The following COL11A1 variants were observed in gnomAD, a reference collection of about 807,000 sequenced individuals.
COL11A1 encodes the protein collagen alpha-1(XI) chain.
Under a neutral mutation model 265.2 loss-of-function variants are expected in COL11A1, and 74 were observed. The ratio of observed to expected loss-of-function variants is 0.28; its 90% confidence interval spans 0.23 to 0.34. The LOEUF is 0.34. Among genes scored for constraint, COL11A1 ranks in the 10% least tolerant of loss-of-function variants. The pLI, the probability that COL11A1 is intolerant of heterozygous loss-of-function variation, is 1.00. For synonymous variants in COL11A1, 816 were observed against 727.6 expected (o/e 1.12, Z -1.96); for missense variants, 2,165 against 2,263.6 (o/e 0.96, Z 0.88).
At position 103,082,959 on chromosome 1, in the gene COL11A1, A is replaced by T; in HGVS notation, c.120T>A (p.Asp40Glu). Residue 40 changes from aspartate to glutamate, a missense_variant, in exon 2 of 67, where the codon GAT becomes GAA. Asp to Glu is a conservative substitution (Grantham distance 45). Coordinates refer to ENST00000370096, the MANE Select transcript of COL11A1 (RefSeq NM_001854.4). ...TGTGAAAATCTAGTGCTTTTAGTACATCAACTGGAGCAGCTGAAAAATAAG... is the reference window on the plus strand; with the variant it reads ...TGTGAAAATCTAGTGCTTTTAGTACTTCAACTGGAGCAGCTGAAAAATAAG... ...AREVRGAAPV[D>E]VLKALDFHNS... 6.2e-7 allele frequency: 1 copy of T among 1,613,108 alleles called. No individual in the cohort carries two copies. The highest frequency in any genetic ancestry group is 2.2e-5 in the East Asian group (1 of 44,796).
At chr1:103,002,390 C>A in intron 23 of COL11A1, 38 bp downstream of exon 23, 1 of 1,535,732 alleles carries the variant, frequency 6.5e-7, no homozygotes, top group Non-Finnish European at 8.9e-7. Context: ...GCATCTTCCC[C>A]CCATTATTTC....
rs1665840672 is a variant in COL11A1 at position 103,008,587 on chromosome 1, A to G, written c.1630-71T>C. 3.5e-5 allele frequency: 41 copies of G among 1,171,266 alleles called. No individual in the cohort carries two copies. In the South Asian group the frequency reaches 5.0e-4, roughly 14 times the overall value. The allele number at this position is 1,171,266 out of a possible 1,614,324, so 72.6% of individuals were successfully genotyped here. A position where few individuals can be genotyped will look rare whatever the true frequency, so the allele number is the denominator to read the frequency against. On this transcript the variant is annotated intron_variant, in intron 14 of 66. Transcript: ENST00000370096. ...TAACTACTTTTATCCTGCCAATTGC[A>G]CCTGAAATAATTAAACATTATTCAA... is the stretch of plus-strand genomic sequence containing the variant.
chr1:102,931,785 G>C (rs1055577540), intron 46 of COL11A1, among the ~76,000 whole-genome samples: 1 of 151,828 alleles, frequency 6.6e-6, no homozygotes, highest in African/African-American at 2.4e-5. Flanking sequence ...CCTGTATTGG[G>C]TGCATATATA....
rs1223875731 is a variant in COL11A1, at chr1:102,929,907, C to T, written c.3600+4542G>A. ...GCTCTCTGTTTGTCTGTTGTTGGTG[C>T]ATAAGAATGCTTGTGATTTTAGTAC... On this transcript the variant is annotated intron_variant, in intron 46 of 66. Transcript: ENST00000370096. 2.0e-5 allele frequency among the ~76,000 whole-genome samples: 3 copies of T among 152,164 alleles called. No individual in the cohort carries two copies. The East Asian group carries it at 5.8e-4, about 29-fold the overall frequency.
intron 42 of COL11A1, among the ~76,000 whole-genome samples, chr1:102,942,079 CT>C (rs1320771416): frequency 6.6e-6 from 1 of 152,118 alleles, no homozygotes; most frequent in African/African-American, 2.4e-5. Context: ...AAGGATGCCC[CT>C]GATGTCACTC....
chr1:102,938,550 G>T (rs1056269895), intron 44 of COL11A1, among the ~76,000 whole-genome samples: 3 of 152,030 alleles, frequency 2.0e-5, no homozygotes, highest in Non-Finnish European at 4.4e-5. Flanking sequence ...AATATATACT[G>T]GTAGTGACCA....
chr1:102,905,000 T>G (rs1239122965), intron 54 of COL11A1, among the ~76,000 whole-genome samples: 2 of 151,780 alleles, frequency 1.3e-5, no homozygotes, highest in Non-Finnish European at 2.9e-5. Flanking sequence ...TAGACTGGAT[T>G]AAGAAAATGT....
chr1:102,889,598 C>T (rs930413469), intron 58 of COL11A1, 36 bp from the exon 59 acceptor site: 12 of 1,400,114 alleles, frequency 8.6e-6, no homozygotes, highest in African/African-American at 1.4e-5. Flanking sequence ...ATAACATGTA[C>T]ATTACTATCT....
At chr1:103,046,599 C>G (rs942006262) in intron 4 of COL11A1, among the ~76,000 whole-genome samples, 5 of 150,970 alleles carry the variant, frequency 3.3e-5, no homozygotes, top group South Asian at 2.1e-4. Context: ...TGCAGAAGCT[C>G]TTTAGTTTAA....
intron 46 of COL11A1, among the ~76,000 whole-genome samples, chr1:102,928,933 G>A (rs1412656291): frequency 2.1e-5 from 1 of 48,550 alleles, no homozygotes; most frequent in Non-Finnish European, 8.0e-5. Flanking sequence ...CCCACTTTTT[G>A]ATGGGGTTGT....
intron 4 of COL11A1, among the ~76,000 whole-genome samples, chr1:103,032,577 A>C (rs529458054): frequency 2.3e-4 from 35 of 152,216 alleles, no homozygotes; most frequent in African/African-American, 8.2e-4. Flanking sequence ...AGTGCCAAGA[A>C]AGGAATAAGT....
chr1:102,877,990 G>A lies in COL11A1; in HGVS notation c.*29C>T, dbSNP rs1426195442. ...TTGGTGGCACCAAGGTATATTTTCT[G>A]TTGATTTGATATGTTCTTTGTCTTA... is the stretch of plus-strand genomic sequence containing the variant. On this transcript the variant is annotated 3_prime_UTR_variant, in exon 67 of 67. Transcript: ENST00000370096. 1 of 1,611,974 alleles carries A rather than the reference G, an allele frequency of 6.2e-7. No homozygotes were observed. Among genetic ancestry groups the A allele is most frequent in the South Asian group, 1.1e-5 (1 of 90,990 alleles).
intron 1 of COL11A1, among the ~76,000 whole-genome samples, chr1:103,099,183 T>C (rs1008770381): frequency 1.9e-4 from 29 of 151,754 alleles, no homozygotes; most frequent in Non-Finnish European, 3.7e-4. Flanking sequence ...CCAGTGATTT[T>C]AGTGTAACTA....
chr1:102,922,589 C>T (rs899792094), intron 47 of COL11A1, among the ~76,000 whole-genome samples: 5 of 152,034 alleles, frequency 3.3e-5, no homozygotes, highest in Non-Finnish European at 5.9e-5. Context: ...TTAGTAGAGA[C>T]GGGGTTTCAC....
chr1:103,078,237 C>T (rs1057011493), intron 3 of COL11A1, among the ~76,000 whole-genome samples: 1 of 152,090 alleles, frequency 6.6e-6, no homozygotes, highest in African/African-American at 2.4e-5. Flanking sequence ...TTGGAACAAA[C>T]TGGCCACACC....
At chr1:102,935,199 T>G in intron 44 of COL11A1, 86 bp from the exon 45 acceptor site, 1 of 1,059,726 alleles carries the variant, frequency 9.4e-7, no homozygotes, top group Non-Finnish European at 1.4e-6. Context: ...CCTACCAAGA[T>G]CAAACACTTC....
At chr1:102,933,769 C>A (rs1657820333) in intron 46 of COL11A1, among the ~76,000 whole-genome samples, 1 of 152,174 alleles carries the variant, frequency 6.6e-6, no homozygotes, top group African/African-American at 2.4e-5. Flanking sequence ...CCCTCTGAGC[C>A]AGGTGCCGGA....
intron 1 of COL11A1, among the ~76,000 whole-genome samples, chr1:103,101,250 A>G (rs1674245443): frequency 1.3e-5 from 2 of 151,914 alleles, no homozygotes; most frequent in Non-Finnish European, 2.9e-5. Context: ...AGGGCACTCT[A>G]ACCCAATTAG....
Position 103,047,917 on chromosome 1 carries a change from G to A in COL11A1, c.652-16673C>T, listed in dbSNP as rs188754777. Among the ~76,000 whole-genome samples the A allele has an allele frequency of 2.2e-4, 34 of 152,182 alleles. No homozygotes were observed. In the South Asian group the frequency reaches 2.5e-3, roughly 11 times the overall value. ...TGCTGGATTACCTTTATTGATTTGC[G>A]TCTGTTGAACAAGCCTTGCATCCCA... On this transcript the variant is annotated intron_variant, in intron 4 of 66. Coordinates refer to ENST00000370096, the MANE Select transcript of COL11A1 (RefSeq NM_001854.4).
Sources: gnomAD v4.1 joint callset for allele counts (sites outside exome capture counted in the v4.1 genomes callset) on GRCh38, gnomAD v4.1.1 for gene constraint, MANE v1.5 for transcripts, NCBI Gene and HGNC (gene_info 2026-07-23, HGNC 2026-07-21) for gene names.